P2RX1: variants seen among roughly 807,000 people sequenced by gnomAD.
P2RX1 encodes purinergic receptor P2X 1.
P2RX1 carries 42 observed loss-of-function variants against 50.3 expected under a neutral mutation model. The ratio of observed to expected loss-of-function variants is 0.83; its 90% CI spans 0.65 to 1.08. P2RX1 has a LOEUF of 1.08. P2RX1 is among the 50% of genes least tolerant of loss of function. The pLI is 0.00. For synonymous variants in P2RX1, 199 were observed against 202.6 expected, an observed-to-expected ratio of 0.98 and a Z score of 0.15; for missense variants, 449 against 529.0, an observed-to-expected ratio of 0.85 and a Z score of 1.48.
chr17:3,897,913 G>A (rs2056061666), intron 11 of P2RX1, 34 bp from the exon 12 acceptor site: 2 of 1,613,170 alleles, frequency 1.2e-6, no homozygotes, highest in Non-Finnish European at 8.5e-7. Flanking sequence ...GGGGATACAA[G>A]TCAGTGCTGG....
chr17:3,910,219 C>T (rs1228262904), intron 1 of P2RX1, among the ~76,000 whole-genome samples: 1 of 152,140 alleles, frequency 6.6e-6, no homozygotes, highest in African/African-American at 2.4e-5. Context: ...AGGTGATCCA[C>T]CCACCTCTGC....
At chr17:3,907,290 C>CGTACGT (rs1555548653) in intron 1 of P2RX1, among the ~76,000 whole-genome samples, 3 of 134,358 alleles carry the variant, frequency 2.2e-5, no homozygotes, top group African/African-American at 8.8e-5. Flanking sequence ...TTCAGGGTAA[C>CGTACGT]GTGTGTGTGT....
chr17:3,907,460 A>ACTCC (rs1311472066), intron 1 of P2RX1, among the ~76,000 whole-genome samples: 3 of 151,720 alleles, frequency 2.0e-5, no homozygotes, highest in Non-Finnish European at 2.9e-5. Flanking sequence ...AAAGCAATGG[A>ACTCC]CTCCCTGCTC....
At position 3,898,544 on chromosome 17, in the gene P2RX1, C is replaced by T. The variant is rs750651921; in HGVS notation, c.972G>A (p.Gly324=). The T allele has an allele frequency of 3.5e-5, 56 of 1,613,770 alleles. 1 individual carries two copies. The South Asian group carries it at 6.0e-4, about 17-fold the overall frequency. The change falls in exon 10 of 12, where the codon GGG becomes GGA. Residue 324 remains glycine (G), a synonymous_variant. Coordinates refer to ENST00000225538, the MANE Select transcript of P2RX1 (RefSeq NM_002558.4). ...RFDILVDGKA[G]KFDIIPTMTT... Reference sequence around the variant, plus strand: ...TCATTGTAGGGATGATGTCAAACTTCCCGGCCTGGTGGCAGGACCCAGGGA... The same window carrying T: ...TCATTGTAGGGATGATGTCAAACTTTCCGGCCTGGTGGCAGGACCCAGGGA...
At position 3,914,772 on chromosome 17, in the gene P2RX1, G is replaced by C. The variant is rs1321786410; in HGVS notation, c.137+1317C>G. 6.6e-6 allele frequency among the ~76,000 whole-genome samples: 1 copy of C among 152,214 alleles called. No homozygotes were observed. The highest frequency in any genetic ancestry group is 1.5e-5 in the Non-Finnish European group (1 of 68,040). On this transcript the variant is annotated intron_variant, in intron 1 of 11. Transcript: ENST00000225538. The surrounding 1 kb of genome is among the most constrained non-coding windows in gnomAD (Gnocchi z 4.1). ...AGGGCTCAGCTGCAACCCTGGGTTTGCTGCTGACTTGCTGTGGACCTGGAA... is the reference window on the plus strand; with the variant it reads ...AGGGCTCAGCTGCAACCCTGGGTTTCCTGCTGACTTGCTGTGGACCTGGAA...
chr17:3,914,137 G>T lies in P2RX1; in HGVS notation c.137+1952C>A, dbSNP rs2056410677. ...CTTCCACCCTCTGCTGTGTGACGTG[G>T]GCAGGCCAGTGCCCTCTCTCTGAGG... On this transcript the variant is annotated intron_variant, in intron 1 of 11. Transcript: ENST00000225538. The surrounding 1 kb of genome is among the most constrained non-coding windows in gnomAD (Gnocchi z 4.1). Among the ~76,000 whole-genome samples the T allele has an allele frequency of 6.6e-6, 1 of 152,152 alleles. No individual in the cohort carries two copies. The highest frequency in any genetic ancestry group is 1.5e-5 in the Non-Finnish European group (1 of 68,030).
intron 7 of P2RX1, among the ~76,000 whole-genome samples, chr17:3,901,699 A>G (rs1306383506): frequency 6.6e-6 from 1 of 152,258 alleles, no homozygotes; most frequent in African/African-American, 2.4e-5. Context: ...GTTCTTGAAC[A>G]GGCAACTGCA....
intron 1 of P2RX1, among the ~76,000 whole-genome samples, chr17:3,908,555 C>G (rs1293011830): frequency 6.6e-6 from 1 of 152,154 alleles, no homozygotes; most frequent in Non-Finnish European, 1.5e-5. Context: ...GAGTGAGACT[C>G]CGTCTCAAAA....
At chr17:3,906,779 C>T (rs2056273738) in intron 1 of P2RX1, among the ~76,000 whole-genome samples, 1 of 152,220 alleles carries the variant, frequency 6.6e-6, no homozygotes, top group Non-Finnish European at 1.5e-5. Flanking sequence ...TCCCTCTTAG[C>T]CCCAGGAGTT....
rs893301564 is a variant in P2RX1 at position 3,914,654 on chromosome 17, C to T, written c.137+1435G>A. ...GGTGGACTTCCGGCCCGTCCTGTAC[C>T]TGGCATCCCACCATCAGTGCCCAGT... On this transcript the variant is annotated intron_variant, in intron 1 of 11. Transcript: ENST00000225538. This position sits in a 1 kb window ranked among gnomAD's most constrained non-coding sequence, Gnocchi z 4.1. 1.2e-4 allele frequency among the ~76,000 whole-genome samples: 18 copies of T among 152,306 alleles called. No homozygotes were observed. The highest frequency in any genetic ancestry group is 4.3e-4 in the African/African-American group (18 of 41,568).
chr17:3,903,148 T>C lies in P2RX1; in HGVS notation c.747+54A>G, dbSNP rs1390065015. On this transcript the variant is annotated intron_variant, in intron 7 of 11. Coordinates refer to ENST00000225538, the MANE Select transcript of P2RX1 (RefSeq NM_002558.4). This position sits in a 1 kb window ranked among gnomAD's most constrained non-coding sequence, Gnocchi z 4.6. ...AGATGAACTGGGCCTAAAAAGCCTT[T>C]ATCAGGATCCTGCGGCCCAGCCCTC... is the stretch of plus-strand genomic sequence containing the variant. 3 of 1,611,624 alleles carry C rather than the reference T, an allele frequency of 1.9e-6. No homozygotes were observed. The highest frequency in any genetic ancestry group is 1.3e-5 in the African/African-American group (1 of 74,896).
intron 7 of P2RX1, among the ~76,000 whole-genome samples, chr17:3,901,410 A>G (rs1260233836): frequency 4.6e-5 from 7 of 152,150 alleles, no homozygotes; most frequent in Non-Finnish European, 8.8e-5. Context: ...TCTAACATTC[A>G]GCATGTGTGT....
At chr17:3,911,725 A>G (rs1298918771) in intron 1 of P2RX1, among the ~76,000 whole-genome samples, 2 of 151,890 alleles carry the variant, frequency 1.3e-5, no homozygotes, top group Non-Finnish European at 2.9e-5. Context: ...TCTCCCTTTC[A>G]CAGCCTCTCC....
rs1388113542 is a variant in P2RX1 at position 3,897,474 on chromosome 17, T to C, written c.*340A>G. The stretch of plus-strand genomic sequence containing the variant: ...ACTGCCACATCGGAGAGCACAGATC[T>C]AGAGAAATGGAGGCAGCGGGTTGGA... On this transcript the variant is annotated 3_prime_UTR_variant, in exon 12 of 12. Coordinates refer to ENST00000225538, the MANE Select transcript of P2RX1 (RefSeq NM_002558.4). The C allele has an allele frequency of 1.8e-5, 8 of 448,002 alleles. No homozygotes were observed. The East Asian group carries it at 3.4e-4, about 19-fold the overall frequency. The allele number at this position is 448,002 out of a possible 1,614,324, so 27.8% of individuals were successfully genotyped here.
At chr17:3,904,963 G>GGGGGGC in intron 2 of P2RX1, 34 bp from the exon 3 acceptor site, 6 of 435,268 alleles carry the variant, frequency 1.4e-5, no homozygotes, top group African/African-American at 4.3e-5. Flanking sequence ...GGTGGGGTGG[G>GGGGGGC]CTGGGAGCTG....
At position 3,905,386 on chromosome 17, in the gene P2RX1, A is replaced by G; in HGVS notation, c.138-19T>C. Reference sequence around the variant, plus strand: ...CACCCACCTGTGCGGGTGGGGACAGAGGGGGAGTTGTGGTTGTGGCACCAG... The same window carrying G: ...CACCCACCTGTGCGGGTGGGGACAGGGGGGGAGTTGTGGTTGTGGCACCAG... On this transcript the variant is annotated intron_variant, in intron 1 of 11. Transcript: ENST00000225538. 6.2e-7 allele frequency: 1 copy of G among 1,612,794 alleles called. No individual in the cohort carries two copies. Among genetic ancestry groups the G allele is most frequent in the Non-Finnish European group, 8.5e-7 (1 of 1,179,832 alleles).
intron 7 of P2RX1, among the ~76,000 whole-genome samples, chr17:3,902,194 C>T (rs113835479): frequency 1.1e-3 from 161 of 152,174 alleles, no homozygotes; most frequent in South Asian, 4.6e-3. Flanking sequence ...GGTGCAATCT[C>T]GACTCACTGC....
At chr17:3,900,032 C>T (rs1401582101) in intron 7 of P2RX1, among the ~76,000 whole-genome samples, 6 of 151,330 alleles carry the variant, frequency 4.0e-5, no homozygotes, top group Non-Finnish European at 7.4e-5. Flanking sequence ...ACCTGGGAGG[C>T]GGAGGTTGCA....
chr17:3,912,309 A>G (rs1264854164), intron 1 of P2RX1, among the ~76,000 whole-genome samples: 1 of 151,620 alleles, frequency 6.6e-6, no homozygotes, highest in Non-Finnish European at 1.5e-5. Flanking sequence ...CCTTTTATTT[A>G]TATATTCATT....
Sources: gnomAD v4.1 joint callset for allele counts (sites outside exome capture counted in the v4.1 genomes callset) on GRCh38, gnomAD v4.1.1 for gene constraint, Gnocchi (gnomAD v3.1) non-coding constraint, MANE v1.5 for transcripts, NCBI Gene and HGNC (gene_info 2026-07-23, HGNC 2026-07-21) for gene names.